CORO2B: variants seen among roughly 807,000 people sequenced by gnomAD.
The protein encoded by CORO2B is coronin-2B.
Under a neutral mutation model 58.8 loss-of-function variants are expected in CORO2B, and 26 were observed. The ratio of observed to expected loss-of-function variants is 0.44; its 90% CI spans 0.32 to 0.61. The LOEUF (loss-of-function observed/expected upper bound fraction) is 0.61. CORO2B is among the 20% of genes least tolerant of loss of function. CORO2B has a pLI of 0.04. For missense variants in CORO2B, 460 were observed against 645.1 expected (o/e 0.71, Z 3.11); for synonymous variants, 242 against 253.8 (o/e 0.95, Z 0.44).
chr15:68,663,099 C>T (rs7168495), intron 2 of CORO2B, among the ~76,000 whole-genome samples: 11,014 of 152,064 alleles, frequency 0.072, 873 homozygotes, highest in African/African-American at 0.2. Flanking sequence ...AATTCAAACC[C>T]GTGTTGTTCA....
At chr15:68,560,789 T>C in the CORO2B span, among the ~76,000 whole-genome samples, 2 of 152,210 alleles carry the variant, frequency 1.3e-5, no homozygotes, top group Non-Finnish European at 1.5e-5. Context: ...GGCAGGGTGC[T>C]AGGCATAAGC....
At chr15:68,575,268 T>G (rs543721457), upstream of CORO2B, among the ~76,000 whole-genome samples, 1 of 151,828 alleles carries the variant, frequency 6.6e-6, no homozygotes, top group South Asian at 2.1e-4. Context: ...CTGTATCTGA[T>G]CCACGGGTCT....
At chr15:68,600,898 A>G (rs752892880) in intron 1 of CORO2B, among the ~76,000 whole-genome samples, 11 of 152,148 alleles carry the variant, frequency 7.2e-5, no homozygotes, top group Non-Finnish European at 1.3e-4. Context: ...CCCCACAACC[A>G]CAACACCACC....
chr15:68,541,851 C>T, the CORO2B span, among the ~76,000 whole-genome samples: 5 of 152,206 alleles, frequency 3.3e-5, no homozygotes, highest in Admixed American at 1.3e-4. Flanking sequence ...TGGAGTTCTC[C>T]GTCTGTGTGG....
intron 2 of CORO2B, among the ~76,000 whole-genome samples, chr15:68,671,689 A>G (rs1483930850): frequency 6.6e-6 from 1 of 152,204 alleles, no homozygotes; most frequent in Non-Finnish European, 1.5e-5. Context: ...TGTTGGCCAG[A>G]GACCTCAGTC....
intron 3 of CORO2B, among the ~76,000 whole-genome samples, chr15:68,706,758 A>G (rs1291754263): frequency 1.3e-5 from 2 of 151,934 alleles, no homozygotes; most frequent in Non-Finnish European, 2.9e-5. Flanking sequence ...CACCCACACT[A>G]AAGTGTAGTG....
chr15:68,721,638 A>G (rs1202448835), intron 11 of CORO2B, among the ~76,000 whole-genome samples: 2 of 152,210 alleles, frequency 1.3e-5, no homozygotes, highest in Non-Finnish European at 2.9e-5. Flanking sequence ...CCCAGGAGGC[A>G]GAGACTAAAG....
intron 3 of CORO2B, among the ~76,000 whole-genome samples, chr15:68,699,013 T>C (rs1892579630): frequency 6.6e-6 from 1 of 152,114 alleles, no homozygotes; most frequent in Non-Finnish European, 1.5e-5. Context: ...AGCTGGACTT[T>C]GGAGAAGCAG....
chr15:68,560,575 A>C, the CORO2B span, among the ~76,000 whole-genome samples: 8 of 152,188 alleles, frequency 5.3e-5, no homozygotes, highest in Non-Finnish European at 1.0e-4. Flanking sequence ...TTAGGATGAC[A>C]GGCCTGAGCC....
intron 1 of CORO2B, among the ~76,000 whole-genome samples, chr15:68,640,393 T>A (rs1293277727): frequency 6.6e-6 from 1 of 152,094 alleles, no homozygotes; most frequent in African/African-American, 2.4e-5. Flanking sequence ...CTCTTAAAGT[T>A]TACAAGGGAT....
chr15:68,708,482 G>A (rs2140324985), intron 3 of CORO2B, among the ~76,000 whole-genome samples: 1 of 149,030 alleles, frequency 6.7e-6, no homozygotes, highest in South Asian at 2.1e-4. Flanking sequence ...TGCCTCAGCA[G>A]CCCAAGTGGC....
intron 3 of CORO2B, among the ~76,000 whole-genome samples, chr15:68,709,439 C>A (rs1245372300): frequency 2.1e-5 from 3 of 142,708 alleles, no homozygotes; most frequent in Admixed American, 7.2e-5. Flanking sequence ...TTCAGATTTT[C>A]GAAAAGATTT....
Position 68,710,759 on chromosome 15 carries a change from G to A in CORO2B, c.361G>A (p.Gly121Arg), listed in dbSNP as rs1412173142. 1.9e-6 allele frequency: 3 copies of A among 1,610,134 alleles called. No individual in the cohort carries two copies. Among genetic ancestry groups the A allele is most frequent in the Admixed American group, 1.7e-5 (1 of 59,576 alleles). ...SVRIWEIPEG[G>R]LKRNMTEALL... is the part of the protein sequence containing the mutation. ...GCGGATCTGGGAGATCCCCGAGGGC[G>A]GGCTGAAGCGGAACATGACGGAGGC... Residue 121 changes from glycine (G) to arginine (R), a missense_variant, in exon 4 of 12, where the codon GGG (glycine) becomes AGG (arginine). By Grantham distance (125) the Gly-to-Arg change is moderately radical. Coordinates refer to ENST00000261861, the MANE Select transcript of CORO2B (RefSeq NM_006091.5). The surrounding 1 kb of genome is among the most constrained non-coding windows in gnomAD (Gnocchi z 4.1).
chr15:68,693,684 C>G (rs760734093), intron 2 of CORO2B, among the ~76,000 whole-genome samples: 1 of 152,230 alleles, frequency 6.6e-6, no homozygotes, highest in Non-Finnish European at 1.5e-5. Context: ...GACTCACCCC[C>G]TCCCAGGAAG....
At chr15:68,631,667 A>T (rs1251232031) in intron 1 of CORO2B, among the ~76,000 whole-genome samples, 1 of 152,180 alleles carries the variant, frequency 6.6e-6, no homozygotes, top group Non-Finnish European at 1.5e-5. Flanking sequence ...AAGAGAACCA[A>T]CCAACCCTGA....
chr15:68,625,906 A>G (rs1900667180), intron 1 of CORO2B, among the ~76,000 whole-genome samples: 1 of 151,862 alleles, frequency 6.6e-6, no homozygotes, highest in Non-Finnish European at 1.5e-5. Context: ...CACCCAGCCC[A>G]GCTTTACTGT....
intron 7 of CORO2B, 69 bp from the exon 8 acceptor site, chr15:68,715,146 C>G: frequency 5.0e-6 from 7 of 1,394,986 alleles, no homozygotes; most frequent in Middle Eastern, 1.8e-4. Context: ...TCAGCTGGCT[C>G]CTGGGACCAG....
At chr15:68,575,625 C>A (rs954166576), upstream of CORO2B, among the ~76,000 whole-genome samples, 1 of 131,168 alleles carries the variant, frequency 7.6e-6, no homozygotes, top group African/African-American at 2.8e-5. Context: ...TGTGAGCCAA[C>A]GCGCCCAGTG....
the CORO2B span, among the ~76,000 whole-genome samples, chr15:68,547,022 A>G: frequency 6.6e-6 from 1 of 152,244 alleles, no homozygotes; most frequent in Non-Finnish European, 1.5e-5. Context: ...TATGATACAA[A>G]ATGAAGTAAA....
Sources: gnomAD v4.1 joint callset for allele counts (sites outside exome capture counted in the v4.1 genomes callset) on GRCh38, gnomAD v4.1.1 for gene constraint, Gnocchi (gnomAD v3.1) non-coding constraint, MANE v1.5 for transcripts, NCBI Gene and HGNC (gene_info 2026-07-23, HGNC 2026-07-21) for gene names.